ABLIM1: variants seen among roughly 807,000 people sequenced by gnomAD.
ABLIM1 encodes the protein actin-binding LIM protein 1.
A neutral mutation model predicts 107.0 loss-of-function variants in ABLIM1; 40 were observed. The ratio of observed to expected loss-of-function variants is 0.37; its 90% CI spans 0.29 to 0.49. ABLIM1 has a LOEUF of 0.49. ABLIM1 is among the 20% of genes least tolerant of loss of function. The pLI, the probability that ABLIM1 is intolerant of heterozygous loss-of-function variation, is 0.97. For missense variants in ABLIM1, 857 were observed against 1,008.5 expected (o/e 0.85, Z 2.04); for synonymous variants, 357 against 357.3 (o/e 1.00, Z 0.01).
intron 1 of ABLIM1, among the ~76,000 whole-genome samples, chr10:114,679,392 T>C (rs1199563460): frequency 6.6e-6 from 1 of 152,050 alleles, no homozygotes; most frequent in African/African-American, 2.4e-5. Flanking sequence ...CCCAGCACTC[T>C]GGGAGGCCTA....
chr10:114,506,137 G>A (rs1041581721), intron 6 of ABLIM1, among the ~76,000 whole-genome samples: 7 of 152,146 alleles, frequency 4.6e-5, no homozygotes, highest in Admixed American at 2.0e-4. Context: ...TCCTGTATTA[G>A]TTCACCTAGG....
chr10:114,547,381 G>T, intron 5 of ABLIM1: 1 of 389,600 alleles, frequency 2.6e-6, no homozygotes, highest in Non-Finnish European at 4.6e-6. Flanking sequence ...ATTATTAAAT[G>T]CTTAATTGGT....
At chr10:114,562,791 T>A (rs1296955098) in intron 4 of ABLIM1, among the ~76,000 whole-genome samples, 3 of 152,082 alleles carry the variant, frequency 2.0e-5, no homozygotes, top group Non-Finnish European at 4.4e-5. Flanking sequence ...ATCAATTCAC[T>A]CACTAAATGA....
upstream of ABLIM1, among the ~76,000 whole-genome samples, chr10:114,688,958 G>T (rs2081008045): frequency 6.6e-6 from 1 of 152,098 alleles, no homozygotes; most frequent in Non-Finnish European, 1.5e-5. Context: ...TGCAGGGAGG[G>T]GTTCTTATTA....
In ABLIM1 at chr10:114,432,234, A is replaced by C. The variant is rs1227074535; in HGVS notation, c.*4026T>G. ...AAATAAAATTGAGGCTGGCATAGGA[A>C]GTACAGATTAAATACAGGTTAAATA... is the stretch of plus-strand genomic sequence containing the variant. On this transcript the variant is annotated 3_prime_UTR_variant, in exon 23 of 23. Coordinates refer to ENST00000533213, the MANE Select transcript of ABLIM1 (RefSeq NM_002313.7). 1 of 152,242 alleles carries C rather than the reference A, an allele frequency of 6.6e-6. No homozygotes were observed. Among genetic ancestry groups the C allele is most frequent in the Non-Finnish European group, 1.5e-5 (1 of 68,036 alleles). 9.4% of individuals were successfully genotyped at this position (152,242 alleles called of 1,614,324 possible).
chr10:114,704,750 G>A (rs1489690585), intron 1 of ABLIM1, among the ~76,000 whole-genome samples: 1 of 152,062 alleles, frequency 6.6e-6, no homozygotes, highest in Non-Finnish European at 1.5e-5. Flanking sequence ...AGTCCTCTCT[G>A]TTATAGGGTA....
intron 7 of ABLIM1, 24 bp from the exon 8 acceptor site, chr10:114,488,040 AAG>A (rs2058438376): frequency 6.2e-7 from 1 of 1,613,232 alleles, no homozygotes; most frequent in African/African-American, 1.3e-5. Context: ...ATGCACTACT[AAG>A]AGCCAGGAAA....
intron 1 of ABLIM1, among the ~76,000 whole-genome samples, chr10:114,693,670 A>G (rs1371851900): frequency 1.3e-5 from 2 of 151,594 alleles, no homozygotes; most frequent in African/African-American, 4.9e-5. Context: ...TCTTTCAGAA[A>G]CAGGGTCTTG....
At chr10:114,537,165 A>T (rs2066129575) in intron 6 of ABLIM1, among the ~76,000 whole-genome samples, 1 of 152,170 alleles carries the variant, frequency 6.6e-6, no homozygotes, top group Non-Finnish European at 1.5e-5. Flanking sequence ...CAGGTAGATA[A>T]TAAAGTTCAG....
the ABLIM1 span, chr10:114,777,922 T>G: frequency 6.6e-6 from 1 of 152,390 alleles, no homozygotes; most frequent in East Asian, 1.9e-4. Flanking sequence ...TGCACTATGA[T>G]TTTGGTAACT....
rs556394816 is a variant in ABLIM1 at position 114,432,442 on chromosome 10, C to G, written c.*3818G>C. ...TCCATACACAGGAGGATGCTAAGAC[C>G]CAGTTAGCTTTAAATGGTTTTTAGA... On this transcript the variant is annotated 3_prime_UTR_variant, in exon 23 of 23. Coordinates refer to ENST00000533213, the MANE Select transcript of ABLIM1 (RefSeq NM_002313.7). 9 of 152,210 alleles carry G rather than the reference C, an allele frequency of 5.9e-5. No individual in the cohort carries two copies. The highest frequency in any genetic ancestry group is 4.6e-4 in the Admixed American group (7 of 15,274). The allele number at this position is 152,210 out of a possible 1,614,324, so 9.4% of individuals were successfully genotyped here.
intron 6 of ABLIM1, among the ~76,000 whole-genome samples, chr10:114,542,558 G>T (rs151100385): frequency 4.0e-5 from 6 of 151,148 alleles, no homozygotes; most frequent in African/African-American, 1.5e-4. Flanking sequence ...GGAGGAGGAG[G>T]GAAGAGAAGG....
chr10:114,535,416 T>A (rs923457129), intron 6 of ABLIM1, among the ~76,000 whole-genome samples: 1 of 152,132 alleles, frequency 6.6e-6, no homozygotes, highest in Non-Finnish European at 1.5e-5. Context: ...GTTCAAGCGA[T>A]CCTCCTGCCT....
At chr10:114,713,188 G>T (rs572089182) in intron 1 of ABLIM1, among the ~76,000 whole-genome samples, 2 of 152,338 alleles carry the variant, frequency 1.3e-5, no homozygotes, top group East Asian at 3.9e-4. Context: ...ATGAGAAAAT[G>T]CCTGGGAAGA....
chr10:114,464,968 C>T (rs1055670598), intron 12 of ABLIM1, among the ~76,000 whole-genome samples: 1 of 152,158 alleles, frequency 6.6e-6, no homozygotes, highest in Non-Finnish European at 1.5e-5. Context: ...TCCCACTACA[C>T]ACAGGAGACA....
intron 6 of ABLIM1, among the ~76,000 whole-genome samples, chr10:114,513,926 C>T (rs967340943): frequency 6.6e-6 from 1 of 152,126 alleles, no homozygotes; most frequent in South Asian, 2.1e-4. Flanking sequence ...CTGAAAATAT[C>T]ATCCAAGCCT....
At chr10:114,498,262 G>T (rs1190322105) in intron 6 of ABLIM1, among the ~76,000 whole-genome samples, 1 of 152,170 alleles carries the variant, frequency 6.6e-6, no homozygotes, top group Non-Finnish European at 1.5e-5. Context: ...CTATGTTTCG[G>T]TGTGAAATCC....
intron 2 of ABLIM1, among the ~76,000 whole-genome samples, chr10:114,594,492 G>T (rs549180277): frequency 6.6e-6 from 1 of 152,344 alleles, no homozygotes; most frequent in South Asian, 2.1e-4. Context: ...GCCCATACCT[G>T]TAATCCCAGC....
chr10:114,743,966 T>A (rs956846216), intron 1 of ABLIM1, among the ~76,000 whole-genome samples: 1 of 152,118 alleles, frequency 6.6e-6, no homozygotes, highest in Non-Finnish European at 1.5e-5. Context: ...AGACAAGAAG[T>A]TGGGGAGAAG....
Sources: allele counts gnomAD v4.1 joint callset (sites outside exome capture counted in the v4.1 genomes callset), GRCh38; gene constraint gnomAD v4.1.1; transcripts MANE v1.5; gene names NCBI Gene and HGNC (gene_info 2026-07-23, HGNC 2026-07-21).